Variants in IKBKB-DT observed in about 807,000 individuals in gnomAD.
IKBKB-DT encodes the protein IKBKB antisense RNA.
intron 3 of IKBKB-DT, among the ~76,000 whole-genome samples, chr8:42,251,052 C>G (rs2129917121): frequency 8.6e-6 from 1 of 116,916 alleles, no homozygotes; most frequent in South Asian, 2.2e-4. Context: ...CGAGACCAGC[C>G]TGGCCAACGA....
At chr8:42,247,980 C>T (rs912658469) in intron 3 of IKBKB-DT, among the ~76,000 whole-genome samples, 19 of 151,814 alleles carry the variant, frequency 1.3e-4, no homozygotes, top group African/African-American at 4.6e-4. Flanking sequence ...CTAATCCCAG[C>T]TACTCAGGAG....
intron 3 of IKBKB-DT, among the ~76,000 whole-genome samples, chr8:42,256,426 G>C (rs1299810468): frequency 6.8e-6 from 1 of 147,380 alleles, no homozygotes; most frequent in Non-Finnish European, 1.5e-5. Context: ...AAAAAAAATA[G>C]CTGTGGGTGG....
chr8:42,233,828 C>G (rs1486594744), exon 4 of IKBKB-DT: 1 of 151,996 alleles, frequency 6.6e-6, no homozygotes, highest in Non-Finnish European at 1.5e-5. Flanking sequence ...TCGGAGCTGT[C>G]TTCTTGCTCT....
chr8:42,269,048 C>T (rs1807425208), intron 1 of IKBKB-DT, among the ~76,000 whole-genome samples: 1 of 151,862 alleles, frequency 6.6e-6, no homozygotes, highest in Non-Finnish European at 1.5e-5. Flanking sequence ...GAAGCGGTGG[C>T]TCACACCTGT....
chr8:42,264,975 G>T lies in IKBKB-DT; in HGVS notation n.1385+640C>A, dbSNP rs550357576. ...CCTCCTGGGTTAAAGTGATTCTCCC[G>T]CCTCAGTCTCCCGAGTAACTGGGAT... On this transcript the variant is annotated intron_variant and non_coding_transcript_variant, in intron 2 of 3. Transcript: ENST00000518213. 6.4e-4 allele frequency among the ~76,000 whole-genome samples: 97 copies of T among 151,344 alleles called. No homozygotes were observed. The South Asian group carries it at 0.019, about 30-fold the overall frequency.
intron 3 of IKBKB-DT, among the ~76,000 whole-genome samples, chr8:42,246,357 TA>T (rs201708388): frequency 1.3e-5 from 2 of 151,758 alleles, no homozygotes; most frequent in Admixed American, 6.6e-5. Flanking sequence ...TAGTACTAAG[TA>T]AAAAAAAATT....
intron 3 of IKBKB-DT, among the ~76,000 whole-genome samples, chr8:42,242,576 A>T (rs1034055011): frequency 6.6e-6 from 1 of 152,206 alleles, no homozygotes; most frequent in Admixed American, 6.5e-5. Context: ...GTACTGGTCC[A>T]TGCTATCTTC....
intron 2 of IKBKB-DT, among the ~76,000 whole-genome samples, chr8:42,265,250 G>A (rs1807354863): frequency 6.6e-6 from 1 of 152,202 alleles, no homozygotes; most frequent in African/African-American, 2.4e-5. Context: ...TCTTGCTTCA[G>A]CCTCTGGGAT....
chr8:42,257,723 C>A (rs889283229), intron 3 of IKBKB-DT, among the ~76,000 whole-genome samples: 22 of 151,908 alleles, frequency 1.4e-4, no homozygotes, highest in Non-Finnish European at 1.5e-5. Flanking sequence ...CACTTGAGCC[C>A]ACGAGTTCGA....
chr8:42,267,312 A>G (rs1340543353), intron 1 of IKBKB-DT, among the ~76,000 whole-genome samples: 3 of 152,086 alleles, frequency 2.0e-5, no homozygotes, highest in Non-Finnish European at 4.4e-5. Flanking sequence ...CTTTCTTAAT[A>G]AACTTGCTTT....
chr8:42,263,750 A>G (rs1585469450), intron 2 of IKBKB-DT, among the ~76,000 whole-genome samples: 1 of 152,228 alleles, frequency 6.6e-6, no homozygotes, highest in Admixed American at 6.5e-5. Context: ...TTTCTGGTGC[A>G]TTAGAGCCAC....
intron 3 of IKBKB-DT, among the ~76,000 whole-genome samples, chr8:42,243,763 A>T (rs1438399071): frequency 6.6e-6 from 1 of 152,258 alleles, no homozygotes; most frequent in African/African-American, 2.4e-5. Context: ...ACATTAAAAT[A>T]AGGATAAACA....
At chr8:42,244,338 G>A (rs770705895) in intron 3 of IKBKB-DT, among the ~76,000 whole-genome samples, 14 of 152,074 alleles carry the variant, frequency 9.2e-5, no homozygotes, top group East Asian at 1.9e-4. Context: ...AGCCCATTCC[G>A]TTTCCCCTTT....
intron 3 of IKBKB-DT, among the ~76,000 whole-genome samples, chr8:42,253,107 T>C (rs1807151269): frequency 6.6e-6 from 1 of 152,188 alleles, no homozygotes; most frequent in Non-Finnish European, 1.5e-5. Context: ...TAGGAAAATT[T>C]ATCATCTATT....
At chr8:42,267,394 A>AC (rs1411053869) in intron 1 of IKBKB-DT, among the ~76,000 whole-genome samples, 2 of 152,164 alleles carry the variant, frequency 1.3e-5, no homozygotes, top group Non-Finnish European at 2.9e-5. Flanking sequence ...CTGGATCGGG[A>AC]CCCCTTTCCT....
At chr8:42,269,587 TGGAGGGGAGGGGAGGAGAGG>T (rs1807484118) in intron 1 of IKBKB-DT, among the ~76,000 whole-genome samples, 1 of 28,406 alleles carries the variant, frequency 3.5e-5, no homozygotes, top group African/African-American at 1.4e-4. Flanking sequence ...GGGAGGGGAG[TGGAGGGGAGGGGAGGAGAGG>T]GGAGGGGGAA....
At chr8:42,251,236 G>A (rs1030774948) in intron 3 of IKBKB-DT, among the ~76,000 whole-genome samples, 6 of 152,240 alleles carry the variant, frequency 3.9e-5, no homozygotes, top group African/African-American at 4.8e-5. Context: ...GAACAATGGC[G>A]AGAGCACACT....
rs113469700 is a variant in IKBKB-DT at position 42,239,614 on chromosome 8, T to TTATATATATATATATA, written n.1530-5771_1530-5756dup. Among the ~76,000 whole-genome samples, 111 of 19,904 alleles carry TTATATATATATATATA rather than the reference T, an allele frequency of 5.6e-3. 10 individuals are homozygous for TTATATATATATATATA. The highest frequency in any genetic ancestry group is 0.016 in the East Asian group (6 of 378). 13.1% of individuals were successfully genotyped at this position (19,904 alleles called of 152,430 possible). ...CCAACCAATTTTTGTAAAAGGCAAT[T>TTATATATATATATATA]TATATATATATATATATATATTTAT... is the stretch of plus-strand genomic sequence containing the variant. On this transcript the variant is annotated intron_variant and non_coding_transcript_variant, in intron 3 of 3. Transcript: ENST00000518213.
intron 3 of IKBKB-DT, among the ~76,000 whole-genome samples, chr8:42,234,629 C>T (rs901518592): frequency 6.6e-5 from 10 of 151,878 alleles, no homozygotes; most frequent in Admixed American, 4.6e-4. Flanking sequence ...TTATTTTATT[C>T]TATTTTATTT....
Sources: allele counts gnomAD v4.1 joint callset (sites outside exome capture counted in the v4.1 genomes callset), GRCh38; gene constraint gnomAD v4.1.1; transcripts MANE v1.5; gene names NCBI Gene and HGNC (gene_info 2026-07-23, HGNC 2026-07-21).